Variants in EPB41L4A observed in about 807,000 individuals in gnomAD.
EPB41L4A encodes the protein erythrocyte membrane protein band 4.1 like 4A.
A neutral mutation model predicts 108.6 loss-of-function variants in EPB41L4A; 100 were observed. The ratio of observed to expected loss-of-function variants is 0.92; its 90% CI spans 0.78 to 1.09. EPB41L4A has a LOEUF of 1.09. Among genes scored for constraint, EPB41L4A ranks in the 50% least tolerant of loss-of-function variants. The pLI, the probability that EPB41L4A is intolerant of heterozygous loss-of-function variation, is 0.00. For synonymous variants in EPB41L4A, 319 were observed against 289.0 expected, an observed-to-expected ratio of 1.10 and a Z score of -1.05; for missense variants, 1,030 against 842.7, an observed-to-expected ratio of 1.22 and a Z score of -2.75.
intron 12 of EPB41L4A, among the ~76,000 whole-genome samples, chr5:112,220,967 C>T (rs1748002410): frequency 6.6e-6 from 1 of 152,146 alleles, no homozygotes. Flanking sequence ...CATGACTGTC[C>T]ATGAATATAC....
chr5:112,201,684 C>T (rs954147776), intron 15 of EPB41L4A, among the ~76,000 whole-genome samples: 5 of 152,182 alleles, frequency 3.3e-5, no homozygotes, highest in Non-Finnish European at 7.3e-5. Flanking sequence ...ACACACAATA[C>T]ACACAAATGC....
intron 18 of EPB41L4A, chr5:112,173,429 A>C (rs1376850040): frequency 6.6e-6 from 1 of 151,956 alleles, no homozygotes; most frequent in African/African-American, 2.4e-5. Context: ...ATAACAGTGG[A>C]TATGTCTGAG....
At chr5:112,244,392 GTTCA>G (rs1750042913) in intron 9 of EPB41L4A, among the ~76,000 whole-genome samples, 1 of 152,180 alleles carries the variant, frequency 6.6e-6, no homozygotes, top group African/African-American at 2.4e-5. Flanking sequence ...ATACCTTGGG[GTTCA>G]TTGTCACGCA....
intron 1 of EPB41L4A, among the ~76,000 whole-genome samples, chr5:112,323,245 A>G (rs1357574750): frequency 1.3e-5 from 2 of 151,872 alleles, no homozygotes; most frequent in Admixed American, 1.3e-4. Context: ...ATAAAAGAAA[A>G]CCTCCCTGAG....
At chr5:112,341,173 G>C (rs970622073) in intron 1 of EPB41L4A, among the ~76,000 whole-genome samples, 4 of 152,150 alleles carry the variant, frequency 2.6e-5, no homozygotes, top group Non-Finnish European at 4.4e-5. Context: ...CATGGGAACA[G>C]GGACTTTTCA....
intron 2 of EPB41L4A, among the ~76,000 whole-genome samples, chr5:112,297,767 T>C (rs1193434383): frequency 1.3e-5 from 2 of 152,216 alleles, no homozygotes; most frequent in African/African-American, 4.8e-5. Flanking sequence ...TAGTTTTAAG[T>C]CTTAATGATT....
chr5:112,267,475 A>C (rs767179419), intron 4 of EPB41L4A, among the ~76,000 whole-genome samples: 1 of 152,148 alleles, frequency 6.6e-6, no homozygotes, highest in Non-Finnish European at 1.5e-5. Context: ...TTCAGAGAAA[A>C]TTTGCTCAAT....
intron 11 of EPB41L4A, among the ~76,000 whole-genome samples, chr5:112,236,673 T>A (rs906822661): frequency 2.0e-5 from 3 of 152,194 alleles, no homozygotes; most frequent in Admixed American, 2.0e-4. Context: ...GCCTCTGGCA[T>A]AAATACAGCC....
intron 1 of EPB41L4A, among the ~76,000 whole-genome samples, chr5:112,382,159 A>C (rs1760215085): frequency 6.6e-6 from 1 of 152,250 alleles, no homozygotes; most frequent in African/African-American, 2.4e-5. Flanking sequence ...TTCTTGATAA[A>C]TTAGGAAGAG....
chr5:112,359,663 C>G (rs1448053996), intron 1 of EPB41L4A, among the ~76,000 whole-genome samples: 1 of 152,024 alleles, frequency 6.6e-6, no homozygotes, highest in Non-Finnish European at 1.5e-5. Context: ...GCCTCAGCCT[C>G]CCGAGTAGCT....
At chr5:112,299,562 C>T (rs996508603) in intron 2 of EPB41L4A, among the ~76,000 whole-genome samples, 3 of 152,176 alleles carry the variant, frequency 2.0e-5, no homozygotes, top group Non-Finnish European at 4.4e-5. Context: ...CGCCTGTAAT[C>T]CCAGCACCAA....
chr5:112,208,664 A>C (rs1200165203), intron 13 of EPB41L4A, among the ~76,000 whole-genome samples: 1 of 152,188 alleles, frequency 6.6e-6, no homozygotes, highest in Non-Finnish European at 1.5e-5. Flanking sequence ...ACCAAACCTC[A>C]GTGATAAACA....
intron 12 of EPB41L4A, among the ~76,000 whole-genome samples, chr5:112,222,944 T>TC: frequency 6.8e-6 from 1 of 147,082 alleles, no homozygotes; most frequent in East Asian, 2.0e-4. Flanking sequence ...TGAAACTAGT[T>TC]TTTTTTTTTT....
At chr5:112,336,455 C>A (rs1756928219) in intron 1 of EPB41L4A, among the ~76,000 whole-genome samples, 1 of 152,136 alleles carries the variant, frequency 6.6e-6, no homozygotes, top group Non-Finnish European at 1.5e-5. Flanking sequence ...ATTTCCTCAT[C>A]CCGCCAACCC....
At chr5:112,388,520 G>C (rs1760714757) in intron 1 of EPB41L4A, among the ~76,000 whole-genome samples, 1 of 152,172 alleles carries the variant, frequency 6.6e-6, no homozygotes, top group African/African-American at 2.4e-5. Flanking sequence ...TGACTGTAAT[G>C]TGCATTCAGG....
chr5:112,368,666 C>T (rs768838832), intron 1 of EPB41L4A, among the ~76,000 whole-genome samples: 6 of 152,160 alleles, frequency 3.9e-5, no homozygotes, highest in Non-Finnish European at 7.3e-5. Flanking sequence ...GCCACATCCA[C>T]TAGATACATT....
chr5:112,213,517 T>C (rs975342275), intron 12 of EPB41L4A, among the ~76,000 whole-genome samples: 3 of 152,012 alleles, frequency 2.0e-5, no homozygotes, highest in African/African-American at 7.3e-5. Flanking sequence ...CCCGGCTAAT[T>C]TTTGTATTTT....
intron 3 of EPB41L4A, among the ~76,000 whole-genome samples, chr5:112,279,166 T>G (rs1752800362): frequency 6.6e-6 from 1 of 151,558 alleles, no homozygotes; most frequent in African/African-American, 2.4e-5. Flanking sequence ...ACTTGTAAAC[T>G]CCAGTGGTTT....
chr5:112,414,037 T>C (rs1344781400), intron 1 of EPB41L4A, among the ~76,000 whole-genome samples: 1 of 152,188 alleles, frequency 6.6e-6, no homozygotes, highest in Non-Finnish European at 1.5e-5. Flanking sequence ...TTCTCTTCAT[T>C]TTACAGATGG....
Sources: allele counts gnomAD v4.1 joint callset (sites outside exome capture counted in the v4.1 genomes callset), GRCh38; gene constraint gnomAD v4.1.1; transcripts MANE v1.5; gene names NCBI Gene and HGNC (gene_info 2026-07-23, HGNC 2026-07-21).